WDR27: variants seen among roughly 807,000 people sequenced by gnomAD.
The protein encoded by WDR27 is WD repeat domain 27.
WDR27 carries 100 observed loss-of-function variants against 114.4 expected under a neutral mutation model. The observed-to-expected ratio is 0.87, with a 90% CI of 0.74 to 1.03. The LOEUF is 1.03. Among genes scored for constraint, WDR27 ranks in the 50% least tolerant of loss-of-function variants. The pLI, the probability that WDR27 is intolerant of heterozygous loss-of-function variation, is 0.00. For synonymous variants in WDR27, 449 were observed against 423.1 expected, an observed-to-expected ratio of 1.06 and a Z score of -0.75; for missense variants, 1,129 against 1,092.9, an observed-to-expected ratio of 1.03 and a Z score of -0.47.
Position 169,570,881 on chromosome 6 carries a change from C to T in WDR27, c.2645+1538G>A, listed in dbSNP as rs913561657. 2.6e-5 allele frequency among the ~76,000 whole-genome samples: 4 copies of T among 152,152 alleles called. No homozygotes were observed. The South Asian group carries it at 8.3e-4, about 32-fold the overall frequency. On this transcript the variant is annotated intron_variant, in intron 25 of 25. Transcript: ENST00000448612. ...GGAAATCTCTCCTCATAAGACAGGA[C>T]GCAGGCCAGGAGTCTCCCGTGGCGG... is the stretch of plus-strand genomic sequence containing the variant.
At chr6:169,463,638 C>T (rs1785185192) in intron 25 of WDR27, among the ~76,000 whole-genome samples, 1 of 152,116 alleles carries the variant, frequency 6.6e-6, no homozygotes, top group Non-Finnish European at 1.5e-5. Flanking sequence ...AGATAGAAAA[C>T]CCTACACATT....
chr6:169,452,728 A>C (rs561348135), downstream of WDR27, among the ~76,000 whole-genome samples: 6 of 152,274 alleles, frequency 3.9e-5, no homozygotes, highest in Non-Finnish European at 8.8e-5. Flanking sequence ...CGGGGATGGC[A>C]CAGAAGCCTG....
intron 25 of WDR27, among the ~76,000 whole-genome samples, chr6:169,460,397 T>C (rs1392185217): frequency 6.6e-6 from 1 of 152,176 alleles, no homozygotes; most frequent in African/African-American, 2.4e-5. Context: ...GAATACTACA[T>C]GTAATTCCCA....
intron 25 of WDR27, 107 bp from the exon 26 acceptor site, chr6:169,457,741 CT>C (rs931384627): frequency 4.6e-5 from 37 of 798,874 alleles, no homozygotes; most frequent in Admixed American, 1.1e-4. Flanking sequence ...TTTTAATGTT[CT>C]GGAACATCGA....
intron 25 of WDR27, among the ~76,000 whole-genome samples, chr6:169,521,568 A>G (rs1165214741): frequency 6.6e-6 from 1 of 152,130 alleles, no homozygotes; most frequent in Non-Finnish European, 1.5e-5. Flanking sequence ...CCAAAAGACA[A>G]ATATTTCAAA....
At chr6:169,638,760 G>C in intron 17 of WDR27, 100 bp from the exon 18 acceptor site, 1 of 1,446,250 alleles carries the variant, frequency 6.9e-7, no homozygotes. Context: ...AACTGGAACA[G>C]CATTTTTCAA....
intron 25 of WDR27, among the ~76,000 whole-genome samples, chr6:169,499,912 C>CAT (rs1790910688): frequency 6.6e-6 from 1 of 152,182 alleles, no homozygotes; most frequent in Admixed American, 6.5e-5. Context: ...TGTGCACAGC[C>CAT]ATAGGAGATT....
chr6:169,633,739 C>A (rs964663518), intron 20 of WDR27, among the ~76,000 whole-genome samples: 7 of 152,158 alleles, frequency 4.6e-5, no homozygotes, highest in African/African-American at 1.4e-4. Flanking sequence ...CTAGTACTCT[C>A]GTATTCCAGA....
chr6:169,624,117 GGGT>G (rs1814085256), intron 21 of WDR27, among the ~76,000 whole-genome samples: 1 of 152,052 alleles, frequency 6.6e-6, no homozygotes, highest in African/African-American at 2.4e-5. Context: ...GCCGTGTGTG[GGGT>G]CAGGTGTGTG....
chr6:169,609,854 A>G (rs985756580), intron 22 of WDR27, among the ~76,000 whole-genome samples: 1 of 152,146 alleles, frequency 6.6e-6, no homozygotes, highest in Non-Finnish European at 1.5e-5. Flanking sequence ...CCCTTTTAAA[A>G]CTGAATGTCT....
Position 169,602,235 on chromosome 6 carries a change from C to T in WDR27, c.2408G>A (p.Gly803Glu). ...AGTACATACGTGTCTGTCCTCGGCCCCACAAGCCGCGAATCGTCCACAAGG... is the reference window on the plus strand; with the variant it reads ...AGTACATACGTGTCTGTCCTCGGCCTCACAAGCCGCGAATCGTCCACAAGG... ...FSPCGRFAAC[G>E]AEDRHAYVYE... Residue 803 changes from glycine (G) to glutamate (E), a missense_variant, in exon 23 of 26, where the codon GGG becomes GAG. By Grantham distance (98) the Gly-to-Glu change is moderately conservative (BLOSUM62 -2). Transcript: ENST00000448612. The T allele has an allele frequency of 6.4e-7, 1 of 1,558,606 alleles. No individual in the cohort carries two copies. The highest frequency in any genetic ancestry group is 1.9e-5 in the Admixed American group (1 of 52,362).
chr6:169,664,157 G>C lies in WDR27; in HGVS notation c.904+9C>G, dbSNP rs1027780989. 2.5e-6 allele frequency: 4 copies of C among 1,577,282 alleles called. No individual in the cohort carries two copies. The highest frequency in any genetic ancestry group is 2.4e-5 in the South Asian group (2 of 83,470). On this transcript the variant is annotated intron_variant, in intron 8 of 25. Transcript: ENST00000448612. Reference sequence around the variant, plus strand: ...GTGGGAGGCCTGAGGGAGGGTCTGAGCAACCCACCTGGCTGGCTGCACAGC... The same window carrying C: ...GTGGGAGGCCTGAGGGAGGGTCTGACCAACCCACCTGGCTGGCTGCACAGC...
intron 25 of WDR27, among the ~76,000 whole-genome samples, chr6:169,464,332 C>A (rs540999322): frequency 6.6e-6 from 1 of 152,106 alleles, no homozygotes; most frequent in Non-Finnish European, 1.5e-5. Context: ...GACATCCACA[C>A]GCAAAAGAAT....
intron 25 of WDR27, among the ~76,000 whole-genome samples, chr6:169,496,333 G>A (rs575021962): frequency 6.8e-4 from 104 of 152,150 alleles, no homozygotes; most frequent in African/African-American, 2.3e-3. Context: ...AAAACACAGA[G>A]CAAACATCTT....
At chr6:169,460,847 T>C (rs908099018) in intron 25 of WDR27, among the ~76,000 whole-genome samples, 1 of 152,216 alleles carries the variant, frequency 6.6e-6, no homozygotes, top group Non-Finnish European at 1.5e-5. Flanking sequence ...TTTATTTGCA[T>C]TGGTTAAAGA....
At chr6:169,582,802 G>A in intron 24 of WDR27, 34 bp downstream of exon 24, 1 of 1,548,098 alleles carries the variant, frequency 6.5e-7, no homozygotes, top group Non-Finnish European at 8.9e-7. Flanking sequence ...CTTGTATGCA[G>A]CAGAGGCGCC....
At chr6:169,683,829 C>T (rs1782194966) in intron 2 of WDR27, among the ~76,000 whole-genome samples, 1 of 152,232 alleles carries the variant, frequency 6.6e-6, no homozygotes, top group African/African-American at 2.4e-5. Context: ...TCCCTGCAAG[C>T]CCTGAGCCTA....
At chr6:169,492,441 A>T (rs563177804) in intron 25 of WDR27, among the ~76,000 whole-genome samples, 3 of 152,288 alleles carry the variant, frequency 2.0e-5, no homozygotes, top group African/African-American at 7.2e-5. Context: ...TGAAGAAACA[A>T]TATTTGAAGA....
At chr6:169,607,066 T>C (rs1254362258) in intron 22 of WDR27, among the ~76,000 whole-genome samples, 1 of 152,142 alleles carries the variant, frequency 6.6e-6, no homozygotes, top group Non-Finnish European at 1.5e-5. Flanking sequence ...AGAATGGCTA[T>C]TACTAAAAAA....
Sources: allele counts gnomAD v4.1 joint callset (sites outside exome capture counted in the v4.1 genomes callset), GRCh38; gene constraint gnomAD v4.1.1; transcripts MANE v1.5; gene names NCBI Gene and HGNC (gene_info 2026-07-23, HGNC 2026-07-21).